The following SRPK2 variants were observed in gnomAD, a reference collection of about 807,000 sequenced individuals.
SRPK2 encodes SRSF protein kinase 2.
In SRPK2, 21 loss-of-function variants were observed where a neutral mutation model predicts 90.8. That is an observed-to-expected ratio of 0.23 (90% confidence interval 0.16 to 0.33). SRPK2 has a LOEUF of 0.33. Ranked by LOEUF, SRPK2 falls within the 10% of genes least tolerant of loss-of-function variation. The pLI, the probability that SRPK2 is intolerant of heterozygous loss-of-function variation, is 1.00. For synonymous variants in SRPK2, 288 were observed against 311.1 expected (o/e 0.93, Z 0.78); for missense variants, 620 against 869.0 (o/e 0.71, Z 3.60).
chr7:105,263,192 G>A (rs752629744), intron 2 of SRPK2, among the ~76,000 whole-genome samples: 4 of 151,954 alleles, frequency 2.6e-5, no homozygotes, highest in African/African-American at 4.8e-5. Context: ...GCGTGGTGGC[G>A]CGGGCCTGTA....
At chr7:105,165,079 C>T (rs764320100) in intron 6 of SRPK2, among the ~76,000 whole-genome samples, 1 of 152,200 alleles carries the variant, frequency 6.6e-6, no homozygotes, top group Non-Finnish European at 1.5e-5. Flanking sequence ...AAGGCATCAT[C>T]TCTTCTCTTC....
intron 2 of SRPK2, among the ~76,000 whole-genome samples, chr7:105,383,771 T>A (rs1028084455): frequency 2.0e-5 from 3 of 152,188 alleles, no homozygotes; most frequent in African/African-American, 7.2e-5. Context: ...TGTGGCATAT[T>A]GACACAACTA....
chr7:105,211,200 G>T (rs895838086), intron 2 of SRPK2, among the ~76,000 whole-genome samples: 1 of 152,080 alleles, frequency 6.6e-6, no homozygotes, highest in Non-Finnish European at 1.5e-5. Flanking sequence ...CTGTACTAGA[G>T]TAGATCATGG....
intron 2 of SRPK2, among the ~76,000 whole-genome samples, chr7:105,258,922 C>T (rs1803776645): frequency 6.6e-6 from 1 of 152,158 alleles, no homozygotes; most frequent in South Asian, 2.1e-4. Context: ...AAACCCACAG[C>T]CAATATCATA....
At chr7:105,191,742 T>G (rs1794306958) in intron 3 of SRPK2, among the ~76,000 whole-genome samples, 1 of 152,042 alleles carries the variant, frequency 6.6e-6, no homozygotes, top group Admixed American at 6.5e-5. Flanking sequence ...CATTGTTTGC[T>G]TTTGTCTTCT....
chr7:105,233,778 T>C (rs1056732177), intron 2 of SRPK2, among the ~76,000 whole-genome samples: 7 of 152,076 alleles, frequency 4.6e-5, no homozygotes, highest in Non-Finnish European at 8.8e-5. Context: ...GAGAATCGCT[T>C]GAACCTGGGA....
intron 2 of SRPK2, chr7:105,301,755 A>G (rs1440260168): frequency 6.3e-7 from 1 of 1,599,646 alleles, no homozygotes; most frequent in Non-Finnish European, 8.6e-7. Flanking sequence ...TGTAAAGCAG[A>G]GTATATTAGC....
rs889304219 is a variant in SRPK2, at chr7:105,203,711, G to A, written c.146C>T (p.Pro49Leu). Residue 49 changes from proline (P) to leucine (L), a missense_variant, in exon 3 of 16, where the codon CCA becomes CTA. Pro to Leu is a moderately conservative substitution (Grantham distance 98). This residue lies in a region of SRPK2 where 196 missense variants were observed against 339.2 expected (regional missense o/e 0.58). Transcript: ENST00000393651. ...PPPPPPPPPL[P>L]DPTPPEPEEE... ...CTCTGGCTCCGGGGGTGTGGGGTCT[G>A]GCAAAGGTGGCGGTGGTGGTGGTGG... The A allele has an allele frequency of 6.2e-7, 1 of 1,602,366 alleles. No individual in the cohort carries two copies. Among genetic ancestry groups the A allele is most frequent in the Admixed American group, 1.7e-5 (1 of 58,472 alleles).
intron 3 of SRPK2, among the ~76,000 whole-genome samples, chr7:105,172,821 G>A (rs990553627): frequency 6.6e-6 from 1 of 152,018 alleles, no homozygotes; most frequent in Non-Finnish European, 1.5e-5. Flanking sequence ...CTACTTAAAC[G>A]TACATTATTG....
chr7:105,204,137 A>G (rs1795911212), intron 2 of SRPK2, among the ~76,000 whole-genome samples: 2 of 152,240 alleles, frequency 1.3e-5, no homozygotes. Flanking sequence ...CATGGTATAT[A>G]GCCTTATTGG....
chr7:105,160,575 G>A lies in SRPK2; in HGVS notation c.553C>T (p.Leu185Phe). Reference protein sequence around the residue: ...MVFEVLGHHLLKWIIKSNYQG... With the variant: ...MVFEVLGHHLFKWIIKSNYQG... ...TAGTTGGATTTGATGATCCACTTGA[G>A]GAGATGGTGGCCAAGTACTTCGAAG... Residue 185 changes from leucine to phenylalanine, a missense_variant, in exon 7 of 16, where the codon CTC becomes TTC. Physicochemically the swap from Leu to Phe is conservative, Grantham distance 22. Coordinates refer to ENST00000393651, the MANE Select transcript of SRPK2 (RefSeq NM_182692.3). 6.2e-7 allele frequency: 1 copy of A among 1,613,752 alleles called. No homozygotes were observed. Among genetic ancestry groups the A allele is most frequent in the Non-Finnish European group, 8.5e-7 (1 of 1,179,688 alleles).
At chr7:105,255,033 A>T (rs1803056788) in intron 2 of SRPK2, among the ~76,000 whole-genome samples, 1 of 151,668 alleles carries the variant, frequency 6.6e-6, no homozygotes, top group African/African-American at 2.4e-5. Flanking sequence ...AAAATTGGCC[A>T]GAAAAAATTA....
intron 2 of SRPK2, among the ~76,000 whole-genome samples, chr7:105,365,504 A>T (rs1365791582): frequency 9.3e-5 from 13 of 140,280 alleles, no homozygotes; most frequent in African/African-American, 3.4e-4. Flanking sequence ...AAAAAAAAAA[A>T]AAAAATTATA....
At chr7:105,115,660 A>G (rs551370503), downstream of SRPK2, among the ~76,000 whole-genome samples, 2 of 152,316 alleles carry the variant, frequency 1.3e-5, no homozygotes, top group South Asian at 4.1e-4. Flanking sequence ...ATACAAATGT[A>G]TATTCCTTCT....
At chr7:105,383,150 C>T (rs1235695770) in intron 2 of SRPK2, among the ~76,000 whole-genome samples, 9 of 142,134 alleles carry the variant, frequency 6.3e-5, no homozygotes, top group East Asian at 2.2e-4. Context: ...CTGCAAGCTC[C>T]GCCTCCTGGG....
intron 2 of SRPK2, among the ~76,000 whole-genome samples, chr7:105,378,938 G>C (rs1165920985): frequency 1.3e-5 from 2 of 151,968 alleles, no homozygotes; most frequent in Non-Finnish European, 2.9e-5. Flanking sequence ...GAGTAAAGTA[G>C]TTCAATCAAA....
chr7:105,148,919 G>A (rs1181814731), intron 7 of SRPK2, among the ~76,000 whole-genome samples: 1 of 152,010 alleles, frequency 6.6e-6, no homozygotes, highest in Non-Finnish European at 1.5e-5. Context: ...AAAAGTCATC[G>A]CCATTCTCTA....
intron 2 of SRPK2, among the ~76,000 whole-genome samples, chr7:105,238,015 T>C (rs1800342785): frequency 6.6e-6 from 1 of 152,152 alleles, no homozygotes; most frequent in Non-Finnish European, 1.5e-5. Flanking sequence ...GCAAGGCATA[T>C]ATCTAAATCA....
intron 2 of SRPK2, among the ~76,000 whole-genome samples, chr7:105,371,993 G>A (rs1305651372): frequency 1.3e-5 from 2 of 151,956 alleles, no homozygotes; most frequent in African/African-American, 4.8e-5. Flanking sequence ...AAATTAGCCA[G>A]GCGTGGTGGC....
Sources: gnomAD v4.1 joint callset for allele counts (sites outside exome capture counted in the v4.1 genomes callset) on GRCh38, gnomAD v4.1.1 for gene constraint, gnomAD v4.1.1 regional missense constraint, MANE v1.5 for transcripts, NCBI Gene and HGNC (gene_info 2026-07-23, HGNC 2026-07-21) for gene names.